The following MOCOS variants were observed in gnomAD, a reference collection of about 807,000 sequenced individuals.
MOCOS encodes molybdenum cofactor sulfurase.
A neutral mutation model predicts 83.6 loss-of-function variants in MOCOS; 86 were observed. The observed-to-expected ratio is 1.03, with a 90% CI of 0.86 to 1.23. The LOEUF is 1.23. MOCOS is among the 50% of genes most tolerant of loss of function. The pLI is 0.00. For synonymous variants in MOCOS, 445 were observed against 434.7 expected (o/e 1.02, Z -0.29); for missense variants, 1,120 against 1,126.9 (o/e 0.99, Z 0.09).
At chr18:36,208,400 C>G (rs1241838056) in intron 6 of MOCOS, among the ~76,000 whole-genome samples, 1 of 152,062 alleles carries the variant, frequency 6.6e-6, no homozygotes, top group Non-Finnish European at 1.5e-5. Flanking sequence ...GTGTGAACAT[C>G]TTAACAATAC....
chr18:36,218,853 ATTTATTT>A (rs1385249202), intron 8 of MOCOS, among the ~76,000 whole-genome samples: 2 of 145,978 alleles, frequency 1.4e-5, no homozygotes, highest in Non-Finnish European at 3.0e-5. Flanking sequence ...TTATTTATTT[ATTTATTT>A]ATTTATTTAT....
intron 9 of MOCOS, among the ~76,000 whole-genome samples, chr18:36,246,913 G>C (rs1659991454): frequency 6.6e-6 from 1 of 152,118 alleles, no homozygotes; most frequent in Non-Finnish European, 1.5e-5. Flanking sequence ...CAGGGCCATA[G>C]AGCTCCCAAG....
chr18:36,220,294 G>T (rs895828871), intron 9 of MOCOS, 77 bp downstream of exon 9: 4 of 1,534,366 alleles, frequency 2.6e-6, no homozygotes, highest in African/African-American at 2.7e-5. Flanking sequence ...TCTACCAAGT[G>T]TTAGAATAAC....
chr18:36,220,509 A>T (rs573390500), intron 9 of MOCOS, among the ~76,000 whole-genome samples: 150 of 152,232 alleles, frequency 9.9e-4, no homozygotes, highest in African/African-American at 3.5e-3. Context: ...ACCTTGTATC[A>T]AGGGAAAAAA....
chr18:36,258,737 TTTACAGATGTA>T (rs888174478), intron 12 of MOCOS, among the ~76,000 whole-genome samples: 1 of 152,144 alleles, frequency 6.6e-6, no homozygotes, highest in African/African-American at 2.4e-5. Context: ...TAAATACAGT[TTTACAGATGTA>T]TACGGCTATG....
intron 6 of MOCOS, among the ~76,000 whole-genome samples, chr18:36,212,118 A>G (rs1033254796): frequency 2.6e-5 from 4 of 152,282 alleles, no homozygotes; most frequent in Non-Finnish European, 5.9e-5. Context: ...GAGTCTCCAG[A>G]TGATCCCAAC....
chr18:36,212,706 C>T (rs1460695968), intron 6 of MOCOS, among the ~76,000 whole-genome samples: 2 of 152,162 alleles, frequency 1.3e-5, no homozygotes, highest in Non-Finnish European at 2.9e-5. Flanking sequence ...GCTGACCACA[C>T]GGTGACCTCT....
chr18:36,260,405 G>A lies in MOCOS; in HGVS notation c.2409+230G>A, dbSNP rs74884388. Reference sequence around the variant, plus strand: ...AGTCAGTTTCGCACACACCACAGAAGGTGTGCGAGGGCTCGACACTGCCTC... The same window carrying A: ...AGTCAGTTTCGCACACACCACAGAAAGTGTGCGAGGGCTCGACACTGCCTC... On this transcript the variant is annotated intron_variant, in intron 13 of 14. Transcript: ENST00000261326. Among the ~76,000 whole-genome samples, 148 of 152,276 alleles carry A rather than the reference G, an allele frequency of 9.7e-4. 2 individuals are homozygous for A. In the Middle Eastern group the frequency reaches 0.014, roughly 14 times the overall value.
chr18:36,208,397 C>T (rs1268165828), intron 6 of MOCOS, among the ~76,000 whole-genome samples: 3 of 152,080 alleles, frequency 2.0e-5, no homozygotes, highest in Admixed American at 2.0e-4. Context: ...GCAGTGTGAA[C>T]ATCTTAACAA....
Position 36,267,058 on chromosome 18 carries a change from A to T in MOCOS, c.2514+205A>T, listed in dbSNP as rs188029437. On this transcript the variant is annotated intron_variant, in intron 14 of 14. Coordinates refer to ENST00000261326, the MANE Select transcript of MOCOS (RefSeq NM_017947.4). ...CCAAGTTCTCACTTTTTTTTGTTTT[A>T]CTTCATGTATTTTTATGCTTTCCAA... is the stretch of plus-strand genomic sequence containing the variant. 1.2e-3 allele frequency among the ~76,000 whole-genome samples: 177 copies of T among 150,756 alleles called. 1 individual carries two copies. Among genetic ancestry groups the T allele is most frequent in the African/African-American group, 4.1e-3 (167 of 41,076 alleles).
intron 9 of MOCOS, among the ~76,000 whole-genome samples, chr18:36,225,992 G>A (rs913511292): frequency 2.3e-4 from 34 of 150,414 alleles, no homozygotes; most frequent in East Asian, 1.2e-3. Flanking sequence ...AGAAAGATCC[G>A]TGTGTGCCTT....
At chr18:36,226,253 AT>A (rs2091514902) in intron 9 of MOCOS, among the ~76,000 whole-genome samples, 1 of 152,084 alleles carries the variant, frequency 6.6e-6, no homozygotes, top group Non-Finnish European at 1.5e-5. Flanking sequence ...TGGATTGATC[AT>A]TTTATCATCA....
chr18:36,263,951 C>T (rs1190045703), intron 13 of MOCOS, among the ~76,000 whole-genome samples: 4 of 151,944 alleles, frequency 2.6e-5, no homozygotes, highest in Non-Finnish European at 5.9e-5. Context: ...CTGAGGTGCT[C>T]GGATCACCTG....
At chr18:36,264,035 C>T (rs924649513) in intron 13 of MOCOS, among the ~76,000 whole-genome samples, 2 of 151,880 alleles carry the variant, frequency 1.3e-5, no homozygotes, top group African/African-American at 2.4e-5. Flanking sequence ...ATTAGGTGGG[C>T]GTGGTGGCTG....
intron 14 of MOCOS, among the ~76,000 whole-genome samples, 192 bp downstream of exon 14, chr18:36,267,045 T>G (rs938473522): frequency 1.5e-5 from 1 of 68,550 alleles, no homozygotes; most frequent in Non-Finnish European, 3.5e-5. Context: ...AAGTTCTCAC[T>G]TTTTTTTGTT....
chr18:36,267,084 T>C (rs1462784844), intron 14 of MOCOS, among the ~76,000 whole-genome samples: 1 of 152,152 alleles, frequency 6.6e-6, no homozygotes, highest in Non-Finnish European at 1.5e-5. Context: ...TGCTTTCCAA[T>C]CTTGTTGAAG....
chr18:36,269,616 T>C lies in MOCOS; in HGVS notation c.*931T>C, dbSNP rs1328747971. ...CCCTGTGCGGAGCTTGTGTGTGCCTTATCTGCTTCTGCATGACTTCCAGCC... is the reference window on the plus strand; with the variant it reads ...CCCTGTGCGGAGCTTGTGTGTGCCTCATCTGCTTCTGCATGACTTCCAGCC... On this transcript the variant is annotated 3_prime_UTR_variant, in exon 15 of 15. Coordinates refer to ENST00000261326, the MANE Select transcript of MOCOS (RefSeq NM_017947.4). The C allele has an allele frequency of 6.6e-6, 1 of 152,304 alleles. No homozygotes were observed. Among genetic ancestry groups the C allele is most frequent in the African/African-American group, 2.4e-5 (1 of 41,460 alleles). 9.4% of individuals were successfully genotyped at this position (152,304 alleles called of 1,614,324 possible).
chr18:36,220,022 C>T (rs774553830), intron 8 of MOCOS, 33 bp from the exon 9 acceptor site: 2 of 1,612,046 alleles, frequency 1.2e-6, no homozygotes, highest in Admixed American at 3.3e-5. Flanking sequence ...TTTGGGGAGC[C>T]CTGGCCTGAG....
intron 4 of MOCOS, among the ~76,000 whole-genome samples, chr18:36,201,871 G>A (rs1378917854): frequency 1.3e-5 from 2 of 151,984 alleles, no homozygotes; most frequent in Non-Finnish European, 2.9e-5. Context: ...AGAATCAAAT[G>A]AGAAAAGAAT....
Sources: gnomAD v4.1 joint callset for allele counts (sites outside exome capture counted in the v4.1 genomes callset) on GRCh38, gnomAD v4.1.1 for gene constraint, MANE v1.5 for transcripts, NCBI Gene and HGNC (gene_info 2026-07-23, HGNC 2026-07-21) for gene names.